NALF1: variants seen among roughly 807,000 people sequenced by gnomAD.
The protein encoded by NALF1 is family with sequence similarity 155 member A.
In NALF1, 3 loss-of-function variants were observed where a neutral mutation model predicts 48.4. That is an observed-to-expected ratio of 0.06 (90% CI 0.03 to 0.16). The LOEUF (loss-of-function observed/expected upper bound fraction) is 0.16, where lower values mean the gene tolerates loss of function less well. Among genes scored for constraint, NALF1 ranks in the 10% least tolerant of loss-of-function variants. The pLI, the probability that NALF1 is intolerant of heterozygous loss-of-function variation, is 1.00. For missense variants in NALF1, 526 were observed against 571.5 expected (o/e 0.92, Z 0.81); for synonymous variants, 262 against 245.7 (o/e 1.07, Z -0.62).
chr13:107,640,727 A>G (rs2138457965), intron 1 of NALF1, among the ~76,000 whole-genome samples: 1 of 152,308 alleles, frequency 6.6e-6, no homozygotes, highest in East Asian at 1.9e-4. Context: ...ATAATCCAAG[A>G]AATATATTTG....
chr13:107,709,455 T>C (rs1305206973), intron 1 of NALF1, among the ~76,000 whole-genome samples: 3 of 152,166 alleles, frequency 2.0e-5, no homozygotes, highest in Non-Finnish European at 4.4e-5. Flanking sequence ...AGATCAAACT[T>C]ATCTAAAAGC....
chr13:107,273,975 T>C (rs1024028870), intron 1 of NALF1, among the ~76,000 whole-genome samples: 2 of 152,116 alleles, frequency 1.3e-5, no homozygotes, highest in African/African-American at 4.8e-5. Context: ...AAAAAGTTAA[T>C]AGTCACCACC....
At chr13:107,282,633 G>C (rs1336616868) in intron 1 of NALF1, among the ~76,000 whole-genome samples, 1 of 152,206 alleles carries the variant, frequency 6.6e-6, no homozygotes, top group Non-Finnish European at 1.5e-5. Flanking sequence ...TCACTCTACA[G>C]CAAGTATGTT....
At chr13:107,659,697 A>G (rs1398018452) in intron 1 of NALF1, among the ~76,000 whole-genome samples, 2 of 152,026 alleles carry the variant, frequency 1.3e-5, no homozygotes, top group Non-Finnish European at 2.9e-5. Context: ...AAATTTATAA[A>G]TGACATGGAT....
intron 1 of NALF1, among the ~76,000 whole-genome samples, chr13:107,560,991 C>G (rs559656520): frequency 6.6e-6 from 1 of 152,156 alleles, no homozygotes; most frequent in East Asian, 1.9e-4. Flanking sequence ...TATTCTATGT[C>G]AGTTCATTAT....
chr13:107,190,147 A>G (rs1430228847), intron 2 of NALF1, among the ~76,000 whole-genome samples: 2 of 152,244 alleles, frequency 1.3e-5, no homozygotes, highest in Non-Finnish European at 2.9e-5. Flanking sequence ...CTTGGTAACT[A>G]CAACTCTGCA....
intron 1 of NALF1, among the ~76,000 whole-genome samples, chr13:107,808,215 CAG>C (rs992372993): frequency 4.6e-5 from 7 of 152,000 alleles, no homozygotes; most frequent in Non-Finnish European, 8.8e-5. Flanking sequence ...ATAGGTTTTG[CAG>C]AGTCTTTTGT....
intron 1 of NALF1, among the ~76,000 whole-genome samples, chr13:107,645,032 G>T (rs1880277948): frequency 6.6e-6 from 1 of 151,896 alleles, no homozygotes; most frequent in Non-Finnish European, 1.5e-5. Flanking sequence ...CAATTTATTT[G>T]GTATTGCCAC....
chr13:107,430,702 T>A (rs1314453629), intron 1 of NALF1, among the ~76,000 whole-genome samples: 2 of 152,190 alleles, frequency 1.3e-5, no homozygotes, highest in South Asian at 2.1e-4. Context: ...TCTATCATTG[T>A]TGGACATTTG....
intron 1 of NALF1, among the ~76,000 whole-genome samples, chr13:107,685,981 A>G (rs1881424103): frequency 6.6e-6 from 1 of 152,224 alleles, no homozygotes; most frequent in Non-Finnish European, 1.5e-5. Flanking sequence ...AGCTACAAAT[A>G]TCATTTACGA....
chr13:107,607,683 G>C (rs546462248), intron 1 of NALF1, among the ~76,000 whole-genome samples: 3 of 152,264 alleles, frequency 2.0e-5, no homozygotes, highest in Admixed American at 1.3e-4. Context: ...TAATGCCTCG[G>C]AGTTGAGAAC....
intron 1 of NALF1, among the ~76,000 whole-genome samples, chr13:107,668,040 G>C (rs1387983026): frequency 1.3e-5 from 2 of 151,996 alleles, no homozygotes; most frequent in East Asian, 1.9e-4. Flanking sequence ...TATTTTTTAA[G>C]TAGAAATGAT....
At chr13:107,719,426 C>T (rs1875919902) in intron 1 of NALF1, among the ~76,000 whole-genome samples, 1 of 152,144 alleles carries the variant, frequency 6.6e-6, no homozygotes, top group Non-Finnish European at 1.5e-5. Context: ...CACCATTCTT[C>T]CTTCTACAGT....
At chr13:107,480,671 C>T (rs937377866) in intron 1 of NALF1, among the ~76,000 whole-genome samples, 1 of 152,162 alleles carries the variant, frequency 6.6e-6, no homozygotes, top group Admixed American at 6.5e-5. Context: ...TCCTGGGATA[C>T]ATGCGGCCCA....
chr13:107,390,073 C>T (rs1473585167), intron 1 of NALF1, among the ~76,000 whole-genome samples: 1 of 152,046 alleles, frequency 6.6e-6, no homozygotes, highest in Non-Finnish European at 1.5e-5. Context: ...AAAATATATT[C>T]ACTAGTAGAT....
At chr13:107,653,931 G>GA (rs1454223879) in intron 1 of NALF1, among the ~76,000 whole-genome samples, 1 of 151,990 alleles carries the variant, frequency 6.6e-6, no homozygotes, top group Non-Finnish European at 1.5e-5. Flanking sequence ...CAGCATTAAA[G>GA]AAAAAACTCA....
intron 2 of NALF1, among the ~76,000 whole-genome samples, chr13:107,191,653 C>T (rs980469263): frequency 6.6e-6 from 1 of 151,170 alleles, no homozygotes; most frequent in Admixed American, 6.6e-5. Flanking sequence ...GAGTAGAACA[C>T]ATTCTTAAAA....
intron 1 of NALF1, among the ~76,000 whole-genome samples, chr13:107,748,657 G>A (rs1427646108): frequency 3.3e-5 from 5 of 152,174 alleles, no homozygotes; most frequent in Admixed American, 3.3e-4. Flanking sequence ...ATCAGTAGCA[G>A]TGAGCATCCT....
intron 1 of NALF1, among the ~76,000 whole-genome samples, chr13:107,600,361 A>G (rs7982683): frequency 0.15 from 22,395 of 152,130 alleles, 2,141 homozygotes; most frequent in Admixed American, 0.2. Flanking sequence ...AGTTAGAATG[A>G]CTTAAGATTT....
Sources: gnomAD v4.1 joint callset for allele counts (sites outside exome capture counted in the v4.1 genomes callset) on GRCh38, gnomAD v4.1.1 for gene constraint, MANE v1.5 for transcripts, NCBI Gene and HGNC (gene_info 2026-07-23, HGNC 2026-07-21) for gene names.